Variants in QKI observed in about 807,000 individuals in gnomAD.
QKI encodes the protein QKI, KH domain containing RNA binding.
A neutral mutation model predicts 39.0 loss-of-function variants in QKI; 10 were observed. That is an observed-to-expected ratio of 0.26 (90% CI 0.16 to 0.43). The LOEUF is 0.43. Among genes scored for constraint, QKI ranks in the 20% least tolerant of loss-of-function variants. QKI has a pLI of 1.00. For synonymous variants in QKI, 204 were observed against 155.4 expected, an observed-to-expected ratio of 1.31 and a Z score of -2.33; for missense variants, 218 against 428.0, an observed-to-expected ratio of 0.51 and a Z score of 4.33.
chr6:163,567,896 G>T, intron 7 of QKI: 1 of 985,540 alleles, frequency 1.0e-6, no homozygotes, highest in Non-Finnish European at 1.2e-6. Flanking sequence ...CTTGAGTACT[G>T]ATGATAAATA....
intron 7 of QKI, chr6:163,569,553 A>G: frequency 8.4e-7 from 1 of 1,191,600 alleles, no homozygotes; most frequent in Non-Finnish European, 1.1e-6. Context: ...AGTTTGGTGA[A>G]GCAGAATGTG....
intron 3 of QKI, among the ~76,000 whole-genome samples, chr6:163,515,944 CT>C (rs1779765888): frequency 6.6e-6 from 1 of 152,032 alleles, no homozygotes; most frequent in Non-Finnish European, 1.5e-5. Context: ...GATTATTTAT[CT>C]CTCAAATCTG....
At chr6:163,487,644 C>T (rs998632617) in intron 3 of QKI, among the ~76,000 whole-genome samples, 3 of 151,612 alleles carry the variant, frequency 2.0e-5, no homozygotes, top group African/African-American at 7.3e-5. Context: ...TCTTGAATTC[C>T]TGTGGATTTT....
chr6:163,516,334 G>A (rs904775575), intron 3 of QKI, among the ~76,000 whole-genome samples: 4 of 152,012 alleles, frequency 2.6e-5, no homozygotes, highest in East Asian at 1.9e-4. Flanking sequence ...TGGCTCTGTC[G>A]CCCAGGCTGG....
At chr6:163,417,112 T>C (rs1164066845) in intron 1 of QKI, among the ~76,000 whole-genome samples, 2 of 152,170 alleles carry the variant, frequency 1.3e-5, no homozygotes. Flanking sequence ...TTATATAGTG[T>C]TTTCGAACAT....
chr6:163,513,443 TATATGAATA>T (rs1010105958), intron 3 of QKI, among the ~76,000 whole-genome samples: 2 of 152,244 alleles, frequency 1.3e-5, no homozygotes, highest in Admixed American at 6.5e-5. Context: ...TTTTTATTTG[TATATGAATA>T]ATATGAATAG....
rs562940742 is a variant in QKI, at chr6:163,549,208, G to T, written c.547-12774G>T. On this transcript the variant is annotated intron_variant, in intron 4 of 7. Coordinates refer to ENST00000361752, the MANE Select transcript of QKI (RefSeq NM_006775.3). ...TGGGAGGAGAGGCCAGAGAGGTTGA[G>T]GGGGGGGACATGAGGTTGGTGATGA... Among the ~76,000 whole-genome samples the T allele has an allele frequency of 4.0e-5, 6 of 151,180 alleles. No homozygotes were observed. The South Asian group carries it at 8.4e-4, about 21-fold the overall frequency.
At chr6:163,500,614 C>T (rs888514336) in intron 3 of QKI, among the ~76,000 whole-genome samples, 5 of 152,064 alleles carry the variant, frequency 3.3e-5, no homozygotes, top group African/African-American at 9.7e-5. Context: ...TTATGTTCTT[C>T]CTACAGAATT....
chr6:163,418,820 T>G (rs1787760065), intron 1 of QKI, among the ~76,000 whole-genome samples: 1 of 152,180 alleles, frequency 6.6e-6, no homozygotes, highest in African/African-American at 2.4e-5. Context: ...AATAAAGTTT[T>G]GTAATTTAGA....
intron 2 of QKI, among the ~76,000 whole-genome samples, chr6:163,456,578 G>A (rs1790933353): frequency 1.3e-5 from 2 of 152,096 alleles, no homozygotes; most frequent in Non-Finnish European, 2.9e-5. Context: ...AATGTCTTAA[G>A]TTGAATTAAT....
intron 3 of QKI, among the ~76,000 whole-genome samples, chr6:163,515,701 C>T (rs139593872): frequency 1.8e-3 from 280 of 152,082 alleles, no homozygotes; most frequent in African/African-American, 6.3e-3. Flanking sequence ...AATGATATGG[C>T]GATAGGTCAT....
At chr6:163,516,707 C>T (rs888256588) in intron 3 of QKI, among the ~76,000 whole-genome samples, 37 of 152,030 alleles carry the variant, frequency 2.4e-4, no homozygotes, top group Non-Finnish European at 5.3e-4. Flanking sequence ...AACTATTTTC[C>T]ATATTTATTG....
At chr6:163,559,213 C>T (rs1159980892) in intron 4 of QKI, among the ~76,000 whole-genome samples, 1 of 152,174 alleles carries the variant, frequency 6.6e-6, no homozygotes, top group Admixed American at 6.5e-5. Context: ...TCTTTATTTC[C>T]TCTTTGTTGG....
At chr6:163,435,609 C>G (rs1789200186) in intron 1 of QKI, among the ~76,000 whole-genome samples, 1 of 152,008 alleles carries the variant, frequency 6.6e-6, no homozygotes, top group African/African-American at 2.4e-5. Flanking sequence ...TACATTAAAG[C>G]CTTTAGCACA....
chr6:163,512,121 G>T (rs2128235313), intron 3 of QKI, among the ~76,000 whole-genome samples: 1 of 151,964 alleles, frequency 6.6e-6, no homozygotes, highest in East Asian at 1.9e-4. Flanking sequence ...AGGAGCAACA[G>T]AAGTATTTGA....
chr6:163,537,303 A>C (rs1781265348), intron 4 of QKI, among the ~76,000 whole-genome samples: 1 of 152,222 alleles, frequency 6.6e-6, no homozygotes, highest in Admixed American at 6.5e-5. Flanking sequence ...TAGCACATAC[A>C]TGCTCTGTAA....
intron 1 of QKI, among the ~76,000 whole-genome samples, chr6:163,432,473 A>C (rs1018552442): frequency 6.6e-6 from 1 of 150,734 alleles, no homozygotes; most frequent in African/African-American, 2.4e-5. Context: ...AGCTCACTGC[A>C]TCCTCTAACT....
chr6:163,506,157 G>A (rs1161309330), intron 3 of QKI, among the ~76,000 whole-genome samples: 1 of 151,642 alleles, frequency 6.6e-6, no homozygotes, highest in African/African-American at 2.4e-5. Context: ...ATGCAGAACT[G>A]TGAGTCAATT....
rs1465081294 is a variant in QKI, at chr6:163,564,772, A to T, written c.934+1053A>T. ...TAACACGACCAGTCAATGTGGAACA[A>T]ACTGTTTCTGTGCAACCCCTTTGTT... On this transcript the variant is annotated intron_variant, in intron 6 of 7. Coordinates refer to ENST00000361752, the MANE Select transcript of QKI (RefSeq NM_006775.3). 5 of 1,612,254 alleles carry T rather than the reference A, an allele frequency of 3.1e-6. No individual in the cohort carries two copies. In the Admixed American group the frequency reaches 6.7e-5, roughly 22 times the overall value.
Sources: gnomAD v4.1 joint callset for allele counts (sites outside exome capture counted in the v4.1 genomes callset) on GRCh38, gnomAD v4.1.1 for gene constraint, MANE v1.5 for transcripts, NCBI Gene and HGNC (gene_info 2026-07-23, HGNC 2026-07-21) for gene names.